SORBS2: variants seen among roughly 807,000 people sequenced by gnomAD.
SORBS2 encodes sorbin and SH3 domain-containing protein 2.
A neutral mutation model predicts 97.7 loss-of-function variants in SORBS2; 46 were observed. That is an observed-to-expected ratio of 0.47 (90% CI 0.37 to 0.60). The LOEUF is 0.60. Ranked by LOEUF, SORBS2 falls within the 20% of genes least tolerant of loss-of-function variation. SORBS2 has a pLI of 0.00. For missense variants in SORBS2, 1,316 were observed against 1,282.3 expected, an observed-to-expected ratio of 1.03 and a Z score of -0.40; for synonymous variants, 476 against 473.4, an observed-to-expected ratio of 1.01 and a Z score of -0.07.
At chr4:185,649,549 C>G (rs1419605250) in exon 3 of SORBS2, 1 of 1,605,318 alleles carries the variant, frequency 6.2e-7, no homozygotes, top group East Asian at 2.3e-5. Context: ...GAGGACGCAT[C>G]CTTAAAGGCA....
chr4:185,833,115 T>C (rs963205422), intron 1 of SORBS2, among the ~76,000 whole-genome samples: 56 of 152,334 alleles, frequency 3.7e-4, no homozygotes, highest in African/African-American at 1.3e-3. Flanking sequence ...AAATGGCTAA[T>C]TCCAAAGAAC....
chr4:185,872,982 C>A (rs937448733), intron 1 of SORBS2, among the ~76,000 whole-genome samples: 5 of 152,224 alleles, frequency 3.3e-5, no homozygotes, highest in Admixed American at 2.6e-4. Flanking sequence ...CGTCAGCCAC[C>A]TCTGCTTTAG....
At chr4:185,652,245 C>T (rs1002388876) in intron 2 of SORBS2, among the ~76,000 whole-genome samples, 4 of 152,214 alleles carry the variant, frequency 2.6e-5, no homozygotes, top group Admixed American at 6.5e-5. Context: ...TGCTCTGGAT[C>T]GCAAATTTCC....
chr4:185,644,094 C>T (rs1160955404), intron 4 of SORBS2, among the ~76,000 whole-genome samples: 1 of 152,194 alleles, frequency 6.6e-6, no homozygotes, highest in East Asian at 1.9e-4. Flanking sequence ...ACTGGAAAGG[C>T]TGGCCAACAT....
intron 2 of SORBS2, among the ~76,000 whole-genome samples, chr4:185,753,751 T>C (rs2098814389): frequency 1.3e-5 from 2 of 152,206 alleles, no homozygotes; most frequent in South Asian, 2.1e-4. Context: ...GTGTTTTTTC[T>C]TGTATTCTTT....
At chr4:185,864,388 T>C (rs1246031491) in intron 1 of SORBS2, among the ~76,000 whole-genome samples, 1 of 152,242 alleles carries the variant, frequency 6.6e-6, no homozygotes, top group Non-Finnish European at 1.5e-5. Flanking sequence ...CTCCGTTTAT[T>C]ACTTGTACAG....
intron 1 of SORBS2, among the ~76,000 whole-genome samples, chr4:185,864,356 G>A (rs184242211): frequency 8.2e-4 from 125 of 152,266 alleles, no homozygotes; most frequent in Admixed American, 1.4e-3. Context: ...AGAATTAAAG[G>A]ACCACGTTTA....
At chr4:185,681,845 T>C (rs2097873516) in intron 2 of SORBS2, among the ~76,000 whole-genome samples, 1 of 152,186 alleles carries the variant, frequency 6.6e-6, no homozygotes. Flanking sequence ...TGTAGCTGTG[T>C]TTGTGATACG....
intron 2 of SORBS2, among the ~76,000 whole-genome samples, chr4:185,730,303 A>G (rs1279791236): frequency 7.2e-6 from 1 of 138,680 alleles, no homozygotes; most frequent in Non-Finnish European, 1.6e-5. Context: ...AAAGGTCAAT[A>G]TACTTTCTTT....
intron 4 of SORBS2, among the ~76,000 whole-genome samples, chr4:185,634,306 C>T (rs1324426808): frequency 6.6e-6 from 1 of 152,148 alleles, no homozygotes; most frequent in African/African-American, 2.4e-5. Context: ...TACAACACAA[C>T]GGTTCTACTG....
chr4:185,768,068 C>T (rs906361896), intron 2 of SORBS2, among the ~76,000 whole-genome samples: 5 of 152,162 alleles, frequency 3.3e-5, no homozygotes, highest in African/African-American at 4.8e-5. Context: ...GTACAATATA[C>T]GCCCAGCTCC....
chr4:185,589,700 A>C, exon 14 of SORBS2: 1 of 1,610,234 alleles, frequency 6.2e-7, no homozygotes, highest in Non-Finnish European at 8.5e-7. Flanking sequence ...CCGTCATCAC[A>C]CTTTTCCATG....
chr4:185,618,705 T>A, intron 8 of SORBS2, 74 bp from the exon 21 acceptor site: 1 of 945,716 alleles, frequency 1.1e-6, no homozygotes, highest in Non-Finnish European at 1.6e-6. Flanking sequence ...TAATGTGCCT[T>A]AAAGAAAAAG....
chr4:185,827,047 A>G (rs1015325653), intron 1 of SORBS2, among the ~76,000 whole-genome samples: 2 of 106,614 alleles, frequency 1.9e-5, no homozygotes, highest in African/African-American at 3.6e-5. Context: ...CATCATCACC[A>G]CCATCACCAT....
chr4:185,823,774 T>C lies in SORBS2; in HGVS notation c.-337-48408A>G, dbSNP rs534434218. Among the ~76,000 whole-genome samples the C allele has an allele frequency of 2.2e-3, 330 of 152,300 alleles. 1 individual carries two copies. Among genetic ancestry groups the C allele is most frequent in the African/African-American group, 7.6e-3 (317 of 41,570 alleles). On this transcript the variant is annotated intron_variant, in intron 1 of 20. Transcript: ENST00000284776. ...GAAGAACAGAATAAATTGGGCATCATGTGTAATTTTTCTGTGGTCTTTTTC... is the reference window on the plus strand; with the variant it reads ...GAAGAACAGAATAAATTGGGCATCACGTGTAATTTTTCTGTGGTCTTTTTC...
At chr4:185,627,093 C>A in intron 5 of SORBS2, 74 bp from the exon 18 acceptor site, 1 of 1,333,512 alleles carries the variant, frequency 7.5e-7, no homozygotes. Context: ...ACCGGTGGAA[C>A]GTGCTAGTGA....
intron 4 of SORBS2, among the ~76,000 whole-genome samples, chr4:185,637,733 T>G (rs1339334755): frequency 6.6e-6 from 1 of 152,112 alleles, no homozygotes; most frequent in East Asian, 1.9e-4. Context: ...GGTGCTCTTC[T>G]GCTTGAACTA....
intron 1 of SORBS2, among the ~76,000 whole-genome samples, chr4:185,939,161 A>G (rs2099270586): frequency 6.6e-6 from 1 of 151,998 alleles, no homozygotes; most frequent in South Asian, 2.1e-4. Flanking sequence ...AAATTACTTT[A>G]TTTTTCACCC....
At chr4:185,605,494 G>T (rs893290430) in intron 12 of SORBS2, among the ~76,000 whole-genome samples, 1 of 151,612 alleles carries the variant, frequency 6.6e-6, no homozygotes, top group Non-Finnish European at 1.5e-5. Context: ...ATGTTGGACA[G>T]GTTGGTTTCG....
Sources: allele counts gnomAD v4.1 joint callset (sites outside exome capture counted in the v4.1 genomes callset), GRCh38; gene constraint gnomAD v4.1.1; transcripts MANE v1.5; gene names NCBI Gene and HGNC (gene_info 2026-07-23, HGNC 2026-07-21).